Variants in STXBP5L observed in about 807,000 individuals in gnomAD.
The protein encoded by STXBP5L is syntaxin-binding protein 5-like.
In STXBP5L, 65 loss-of-function variants were observed where a neutral mutation model predicts 144.5. The observed-to-expected ratio is 0.45, with a 90% confidence interval of 0.37 to 0.55. The LOEUF (loss-of-function observed/expected upper bound fraction) is 0.55. STXBP5L is among the 20% of genes least tolerant of loss of function. The probability of loss-of-function intolerance (pLI) is 0.00; values close to 1 mark genes in which losing one functional copy is unlikely to be tolerated. For missense variants in STXBP5L, 1,298 were observed against 1,405.5 expected, an observed-to-expected ratio of 0.92 and a Z score of 1.22; for synonymous variants, 505 against 469.6, an observed-to-expected ratio of 1.08 and a Z score of -0.97.
chr3:120,959,899 A>G (rs1280744390), intron 3 of STXBP5L, among the ~76,000 whole-genome samples: 1 of 152,204 alleles, frequency 6.6e-6, no homozygotes, highest in East Asian at 1.9e-4. Flanking sequence ...GCCAAAATTG[A>G]CAAATGGGAT....
rs554970643 is a variant in STXBP5L at position 121,094,939 on chromosome 3, C to G, written c.471-19986C>G. On this transcript the variant is annotated intron_variant, in intron 5 of 26. Coordinates refer to ENST00000471454, the MANE Select transcript of STXBP5L (RefSeq NM_001308330.2). ...TTGTTCCTCTCCATGTTTAGTGCTT[C>G]CTTCAGGAGCTCTTTTAGGGCAGGC... is the stretch of plus-strand genomic sequence containing the variant. Among the ~76,000 whole-genome samples the G allele has an allele frequency of 5.3e-3, 799 of 152,044 alleles. 8 individuals carry two copies. The highest frequency in any genetic ancestry group is 0.018 in the African/African-American group (766 of 41,476).
intron 18 of STXBP5L, among the ~76,000 whole-genome samples, chr3:121,261,849 T>G (rs530483827): frequency 6.6e-6 from 1 of 152,338 alleles, no homozygotes; most frequent in South Asian, 2.1e-4. Context: ...GAGAAGTTTC[T>G]TAGTCCATTT....
At chr3:121,304,895 C>T (rs574509129) in intron 19 of STXBP5L, among the ~76,000 whole-genome samples, 1 of 151,430 alleles carries the variant, frequency 6.6e-6, no homozygotes, top group Non-Finnish European at 1.5e-5. Context: ...AGTAGATCAA[C>T]AAAACCCCAA....
intron 3 of STXBP5L, among the ~76,000 whole-genome samples, chr3:121,011,322 C>T (rs977766516): frequency 6.6e-6 from 1 of 151,404 alleles, no homozygotes; most frequent in Non-Finnish European, 1.5e-5. Flanking sequence ...CTTCTAACAT[C>T]CATTTCTCAG....
chr3:121,020,194 G>C (rs1576680204), intron 3 of STXBP5L, among the ~76,000 whole-genome samples: 1 of 152,018 alleles, frequency 6.6e-6, no homozygotes, highest in Non-Finnish European at 1.5e-5. Context: ...CTTGAAGACA[G>C]GACTTTTGAT....
intron 1 of STXBP5L, among the ~76,000 whole-genome samples, 161 bp from the exon 2 acceptor site, chr3:120,909,410 T>A (rs986278598): frequency 6.6e-6 from 1 of 152,212 alleles, no homozygotes; most frequent in Non-Finnish European, 1.5e-5. Flanking sequence ...GAATTAAAAT[T>A]TGGCAAAACG....
At chr3:121,066,399 A>G (rs548669425) in intron 5 of STXBP5L, among the ~76,000 whole-genome samples, 8 of 151,030 alleles carry the variant, frequency 5.3e-5, no homozygotes, top group African/African-American at 1.9e-4. Context: ...GGAAATATAT[A>G]TATATTTTAA....
Position 120,908,253 on chromosome 3 carries a change from G to C in STXBP5L, c.-90G>C, listed in dbSNP as rs980982523. 6.6e-6 allele frequency: 1 copy of C among 152,486 alleles called. No homozygotes were observed. The highest frequency in any genetic ancestry group is 2.4e-5 in the African/African-American group (1 of 41,582). The allele number at this position is 152,486 out of a possible 1,614,324, so 9.4% of individuals were successfully genotyped here. Reference sequence around the variant, plus strand: ...GAGCGCCAGGCGCCGCGACCAGAGGGCCCAGAGAAGCGGCCGGAGCCCGCC... The same window carrying C: ...GAGCGCCAGGCGCCGCGACCAGAGGCCCCAGAGAAGCGGCCGGAGCCCGCC... On this transcript the variant is annotated 5_prime_UTR_variant, in exon 1 of 27. Coordinates refer to ENST00000471454, the MANE Select transcript of STXBP5L (RefSeq NM_001308330.2).
At chr3:121,290,627 C>T (rs150703630) in intron 19 of STXBP5L, among the ~76,000 whole-genome samples, 1 of 152,168 alleles carries the variant, frequency 6.6e-6, no homozygotes, top group Non-Finnish European at 1.5e-5. Flanking sequence ...AGACTGATAT[C>T]CCTGGTGAAC....
intron 14 of STXBP5L, among the ~76,000 whole-genome samples, chr3:121,249,832 C>G (rs1385344120): frequency 6.6e-6 from 1 of 151,988 alleles, no homozygotes; most frequent in Admixed American, 6.6e-5. Flanking sequence ...GTAGGTTGTT[C>G]CTACACACCC....
intron 3 of STXBP5L, among the ~76,000 whole-genome samples, chr3:120,983,911 C>G (rs1037174900): frequency 4.6e-5 from 7 of 152,236 alleles, no homozygotes; most frequent in Non-Finnish European, 1.0e-4. Flanking sequence ...GAGGCACCTA[C>G]TAGCTGCATC....
chr3:121,076,679 A>G (rs922947123), intron 5 of STXBP5L, among the ~76,000 whole-genome samples: 3 of 152,146 alleles, frequency 2.0e-5, no homozygotes, highest in African/African-American at 4.8e-5. Context: ...CCCTACCTTA[A>G]GAGATGGCCA....
chr3:121,145,607 T>A (rs2045685202), intron 7 of STXBP5L, among the ~76,000 whole-genome samples: 1 of 151,844 alleles, frequency 6.6e-6, no homozygotes, highest in Non-Finnish European at 1.5e-5. Flanking sequence ...AGAACAGAGA[T>A]GAAGAAAAGA....
intron 2 of STXBP5L, among the ~76,000 whole-genome samples, chr3:120,936,443 C>G (rs1273032537): frequency 1.3e-5 from 2 of 152,030 alleles, no homozygotes; most frequent in East Asian, 3.9e-4. Flanking sequence ...GATACATAGG[C>G]TTTTAGTTTG....
At position 121,111,027 on chromosome 3, in the gene STXBP5L, C is replaced by T. The variant is rs181760087; in HGVS notation, c.471-3898C>T. ...AATTCTTTCCTCCGCTTGGTCTATTCGGCTATCAATAATTGTGGGTGCATT... is the reference window on the plus strand; with the variant it reads ...AATTCTTTCCTCCGCTTGGTCTATTTGGCTATCAATAATTGTGGGTGCATT... On this transcript the variant is annotated intron_variant, in intron 5 of 26. Transcript: ENST00000471454. Among the ~76,000 whole-genome samples the T allele has an allele frequency of 2.8e-4, 42 of 152,168 alleles. 1 individual carries two copies. The East Asian group carries it at 4.1e-3, about 15-fold the overall frequency.
chr3:120,959,846 C>T (rs1355865386), intron 3 of STXBP5L, among the ~76,000 whole-genome samples: 1 of 152,104 alleles, frequency 6.6e-6, no homozygotes, highest in Non-Finnish European at 1.5e-5. Flanking sequence ...TAGGCATGGG[C>T]AAGGACTTCA....
intron 18 of STXBP5L, among the ~76,000 whole-genome samples, chr3:121,271,106 A>G (rs1443315656): frequency 6.6e-6 from 1 of 152,206 alleles, no homozygotes; most frequent in Non-Finnish European, 1.5e-5. Flanking sequence ...TTTAGCATCC[A>G]TTGGTTATTC....
intron 20 of STXBP5L, among the ~76,000 whole-genome samples, chr3:121,348,334 T>C (rs978372737): frequency 2.0e-5 from 3 of 152,172 alleles, no homozygotes; most frequent in Non-Finnish European, 4.4e-5. Context: ...ATAAGGGTTT[T>C]GATGTGCTGC....
chr3:121,211,229 G>T (rs1577221043), intron 10 of STXBP5L, among the ~76,000 whole-genome samples: 1 of 152,226 alleles, frequency 6.6e-6, no homozygotes, highest in Non-Finnish European at 1.5e-5. Context: ...TTGGCTCTCT[G>T]TCTGTTATTG....
Sources: gnomAD v4.1 joint callset for allele counts (sites outside exome capture counted in the v4.1 genomes callset) on GRCh38, gnomAD v4.1.1 for gene constraint, MANE v1.5 for transcripts, NCBI Gene and HGNC (gene_info 2026-07-23, HGNC 2026-07-21) for gene names.